Variants in MCM3AP observed in about 807,000 individuals in gnomAD.
MCM3AP encodes the protein germinal-center associated nuclear protein.
MCM3AP carries 126 observed loss-of-function variants against 184.1 expected under a neutral mutation model. That is an observed-to-expected ratio of 0.68 (90% CI 0.59 to 0.79). MCM3AP has a LOEUF of 0.79. MCM3AP is among the 30% of genes least tolerant of loss of function. The pLI, the probability that MCM3AP is intolerant of heterozygous loss-of-function variation, is 0.00. For missense variants in MCM3AP, 2,496 were observed against 2,479.2 expected, an observed-to-expected ratio of 1.01 and a Z score of -0.14; for synonymous variants, 1,002 against 979.3, an observed-to-expected ratio of 1.02 and a Z score of -0.43.
Position 46,284,952 on chromosome 21 carries a change from A to C in MCM3AP, c.335T>G (p.Phe112Cys), listed in dbSNP as rs561901014. 2 of 1,614,148 alleles carry C rather than the reference A, an allele frequency of 1.2e-6. No homozygotes were observed. The highest frequency in any genetic ancestry group is 2.7e-5 in the African/African-American group (2 of 75,044). ...SSVLGNTGFSFKSPTSVGAFP... is the reference protein window; with the variant it reads ...SSVLGNTGFSCKSPTSVGAFP... ...AGCCCCAACACTGGTGGGTGATTTA[A>C]AACTAAATCCTGTGTTTCCCAGCAC... is the stretch of plus-strand genomic sequence containing the variant. Residue 112 changes from phenylalanine to cysteine, a missense_variant, in exon 1 of 28, where the codon TTT becomes TGT. This residue lies in a region of MCM3AP where 800 missense variants were observed against 717.1 expected (regional missense o/e 1.12). Transcript: ENST00000291688.
chr21:46,261,560 C>A (rs2081041929), intron 13 of MCM3AP, 149 bp from the exon 14 acceptor site: 1 of 672,994 alleles, frequency 1.5e-6, no homozygotes. Context: ...CAGTGAAACC[C>A]CATCTCTACT....
At chr21:46,274,861 C>A (rs534604459) in intron 6 of MCM3AP, among the ~76,000 whole-genome samples, 2 of 148,882 alleles carry the variant, frequency 1.3e-5, no homozygotes, top group East Asian at 3.9e-4. Flanking sequence ...ATCACCTGAG[C>A]CTGGGAAGTT....
In MCM3AP at chr21:46,283,618, A is replaced by T; in HGVS notation, c.1440T>A (p.Asp480Glu). The change falls in exon 2 of 28, where the codon GAT becomes GAA. Residue 480 changes from aspartate to glutamate, a missense_variant. Transcript: ENST00000291688. ...SKKLAVVHFFDHASAALARKK... is the reference protein window; with the variant it reads ...SKKLAVVHFFEHASAALARKK... The stretch of plus-strand genomic sequence containing the variant: ...ATGGCAAGATGGGAGTACTCACATG[A>T]TCAAAGAAATGTACCACTGCAAGCT... 1 of 1,610,368 alleles carries T rather than the reference A, an allele frequency of 6.2e-7. No individual in the cohort carries two copies. Among genetic ancestry groups the T allele is most frequent in the Non-Finnish European group, 8.5e-7 (1 of 1,176,778 alleles).
In MCM3AP at chr21:46,245,168, G is replaced by C. The variant is rs766678097; in HGVS notation, c.4677C>G (p.Ser1559=). The change falls in exon 23 of 28, where the codon TCC becomes TCG. Residue 1559 remains serine, a synonymous_variant. Coordinates refer to ENST00000291688, the MANE Select transcript of MCM3AP (RefSeq NM_003906.5). ...KVLQAVQWLV[S]HCPHSLDLCC... is the part of the protein sequence containing the mutation. ...AGAGGTCAAGGGAATGGGGGCAGTG[G>C]GAAACCAGCCACTGCACTGCTTGCA... 6 of 1,613,396 alleles carry C rather than the reference G, an allele frequency of 3.7e-6. No homozygotes were observed. Among genetic ancestry groups the C allele is most frequent in the Non-Finnish European group, 4.2e-6 (5 of 1,179,706 alleles).
intron 4 of MCM3AP, among the ~76,000 whole-genome samples, chr21:46,278,360 T>G (rs1380122560): frequency 1.3e-5 from 2 of 152,236 alleles, no homozygotes; most frequent in African/African-American, 4.8e-5. Context: ...AGCTTCCCCA[T>G]TTTCTAGCTT....
At chr21:46,247,105 G>T (rs763100848) in intron 20 of MCM3AP, 1 of 511,596 alleles carries the variant, frequency 2.0e-6, no homozygotes. Context: ...CCAATTGTTA[G>T]CAAAGACTCC....
At chr21:46,239,969 T>G (rs911270400) in intron 26 of MCM3AP, among the ~76,000 whole-genome samples, 13 of 151,916 alleles carry the variant, frequency 8.6e-5, no homozygotes, top group African/African-American at 1.9e-4. Flanking sequence ...GCTGAAGAAG[T>G]GAGTATCACA....
intron 26 of MCM3AP, 107 bp from the exon 27 acceptor site, chr21:46,237,086 T>A (rs1474702241): frequency 1.5e-5 from 7 of 464,800 alleles, no homozygotes; most frequent in Non-Finnish European, 2.0e-5. Flanking sequence ...TTTGCTTTTT[T>A]AAAATTTTAT....
intron 25 of MCM3AP, chr21:46,242,591 T>G (rs1321412632): frequency 7.4e-6 from 3 of 405,570 alleles, no homozygotes; most frequent in Non-Finnish European, 1.3e-5. Context: ...AGGTATGATT[T>G]CAGGGTCAGG....
intron 8 of MCM3AP, 44 bp from the exon 9 acceptor site, chr21:46,270,607 A>G (rs2081166420): frequency 6.7e-7 from 1 of 1,483,236 alleles, no homozygotes; most frequent in South Asian, 1.3e-5. Context: ...GTTATTTTAA[A>G]TAAGACAAAA....
chr21:46,284,550 T>C lies in MCM3AP; in HGVS notation c.737A>G (p.Asn246Ser), dbSNP rs148698014. 1.2e-5 allele frequency: 19 copies of C among 1,614,092 alleles called. No individual in the cohort carries two copies. In the African/African-American group the frequency reaches 2.4e-4, roughly 20 times the overall value. Residue 246 changes from asparagine (N) to serine (S), a missense_variant, in exon 1 of 28, where the codon AAT becomes AGT. Around this residue, in one of 5 missense-constraint regions of MCM3AP, gnomAD observed 800 missense variants for 717.1 expected, o/e 1.12. Coordinates refer to ENST00000291688, the MANE Select transcript of MCM3AP (RefSeq NM_003906.5). ...RGPKSIFGSS[N>S]NSFSSFPVSS... The stretch of plus-strand genomic sequence containing the variant: ...TACAGGGAAGCTACTGAAGCTATTA[T>C]TAGAACTTCCAAATATTGACTTAGG...
chr21:46,243,691 G>A lies in MCM3AP; in HGVS notation c.5070C>T (p.Val1690=), dbSNP rs2080715357. Residue 1690 remains valine, a synonymous_variant, in exon 24 of 28, where the codon GTC becomes GTT. Transcript: ENST00000291688. ...AGCTGGGGATCTGGGAGGCGTACTG[G>A]ACAACCATGGAGCACACGGGGAGCC... ...APWLPVCSMV[V]QYASQIPSSR... The A allele has an allele frequency of 6.2e-7, 1 of 1,614,172 alleles. No homozygotes were observed. The highest frequency in any genetic ancestry group is 1.3e-5 in the African/African-American group (1 of 75,080).
rs1404857913 is a variant in MCM3AP, at chr21:46,235,311, G to T, written c.5900C>A (p.Ser1967Tyr). The stretch of plus-strand genomic sequence containing the variant: ...TAGCAGCGCAGAGAGATGGAGCTCA[G>T]AGGCAACTTCCTCTTCCCTTGAACT... Reference protein sequence around the residue: ...IRSSREEEVASELHLSALLDM... With the variant: ...IRSSREEEVAYELHLSALLDM... The change falls in exon 28 of 28, where the codon TCT becomes TAT. Residue 1967 changes from serine (S) to tyrosine (Y), a missense_variant. Coordinates refer to ENST00000291688, the MANE Select transcript of MCM3AP (RefSeq NM_003906.5). 1 of 1,614,104 alleles carries T rather than the reference G, an allele frequency of 6.2e-7. No individual in the cohort carries two copies. The highest frequency in any genetic ancestry group is 1.3e-5 in the African/African-American group (1 of 74,952).
At position 46,242,941 on chromosome 21, in the gene MCM3AP, CA is replaced by C. The variant is rs776665383; in HGVS notation, c.5297-11del. On this transcript the variant is annotated splice_polypyrimidine_tract_variant and intron_variant, in intron 24 of 27. Transcript: ENST00000291688. ...TCTTCACTCAGCGCCTCTGAGAAAA[CA>C]ATACAAAAACAGATAAAGAGGCCAG... 6.5e-7 allele frequency: 1 copy of C among 1,534,950 alleles called. No individual in the cohort carries two copies. Among genetic ancestry groups the C allele is most frequent in the Admixed American group, 1.8e-5 (1 of 54,344 alleles).
rs1299288686 is a variant in MCM3AP at position 46,284,704 on chromosome 21, G to A, written c.583C>T (p.Pro195Ser). The change falls in exon 1 of 28, where the codon CCT (proline) becomes TCT (serine). Residue 195 changes from proline to serine, a missense_variant. Coordinates refer to ENST00000291688, the MANE Select transcript of MCM3AP (RefSeq NM_003906.5). ...GTAGCTGAACTACTTGTTACTTGAG[G>A]AAAAGAGAAAGGGGCCAGGCCTCCA... ...APGGLAPFSF[P>S]QVTSSSATTS... 5.0e-6 allele frequency: 8 copies of A among 1,613,984 alleles called. No homozygotes were observed. The highest frequency in any genetic ancestry group is 1.6e-4 in the Middle Eastern group (1 of 6,082).
At position 46,244,950 on chromosome 21, in the gene MCM3AP, G is replaced by T; in HGVS notation, c.4895C>A (p.Ser1632Tyr). 1.9e-6 allele frequency: 3 copies of T among 1,614,220 alleles called. No individual in the cohort carries two copies. The highest frequency in any genetic ancestry group is 2.5e-6 in the Non-Finnish European group (3 of 1,180,034). The part of the protein sequence containing the change: ...VVSSEQLCDL[S>Y]WPVTEFAEAG... Reference sequence around the variant, plus strand: ...CTCAGCAAACTCAGTGACAGGCCAGGACAGGTCACACAGCTGTTCAGAGGA... The same window carrying T: ...CTCAGCAAACTCAGTGACAGGCCAGTACAGGTCACACAGCTGTTCAGAGGA... Residue 1632 changes from serine (S) to tyrosine (Y), a missense_variant, in exon 23 of 28, where the codon TCC (serine) becomes TAC (tyrosine). By Grantham distance (144) the Ser-to-Tyr change is moderately radical. Transcript: ENST00000291688.
intron 5 of MCM3AP, among the ~76,000 whole-genome samples, chr21:46,276,534 C>T (rs1413694066): frequency 1.3e-5 from 2 of 152,028 alleles, no homozygotes; most frequent in African/African-American, 2.4e-5. Context: ...CTCAGCCTCC[C>T]GGGTTCAAGC....
rs2145682147 is a variant in MCM3AP at position 46,267,066 on chromosome 21, T to C, written c.2705A>G (p.Asp902Gly). The part of the protein sequence containing the change: ...STQRSTIFPL[D>G]GVVRMLLFRD... Reference sequence around the variant, plus strand: ...GAACAGCAGCATGCGCACCACACCATCCAGGGGAAAGATGGTAGATCGCTG... The same window carrying C: ...GAACAGCAGCATGCGCACCACACCACCCAGGGGAAAGATGGTAGATCGCTG... The change falls in exon 10 of 28, where the codon GAT becomes GGT. Residue 902 changes from aspartate (D) to glycine (G), a missense_variant. Asp to Gly is a moderately conservative substitution (Grantham distance 94). This residue lies in a region of MCM3AP where 138 missense variants were observed against 191.9 expected (regional missense o/e 0.72). Transcript: ENST00000291688. 1 of 1,614,136 alleles carries C rather than the reference T, an allele frequency of 6.2e-7. No homozygotes were observed. Among genetic ancestry groups the C allele is most frequent in the Middle Eastern group, 1.6e-4 (1 of 6,062 alleles).
At chr21:46,236,409 T>C (rs2080526125) in intron 27 of MCM3AP, 1 of 154,090 alleles carries the variant, frequency 6.5e-6, no homozygotes, top group African/African-American at 2.4e-5. Flanking sequence ...TTGAACACTC[T>C]TGGGTGAGGC....
Sources: allele counts gnomAD v4.1 joint callset (sites outside exome capture counted in the v4.1 genomes callset), GRCh38; gene constraint gnomAD v4.1.1; regional missense constraint gnomAD v4.1.1; transcripts MANE v1.5; gene names NCBI Gene and HGNC (gene_info 2026-07-23, HGNC 2026-07-21).